Variants in SV2C observed in about 807,000 individuals in gnomAD.
The protein encoded by SV2C is solute carrier family 22 member B3.
Under a neutral mutation model 79.7 loss-of-function variants are expected in SV2C, and 49 were observed. The ratio of observed to expected loss-of-function variants is 0.61; its 90% confidence interval spans 0.49 to 0.78. The LOEUF (loss-of-function observed/expected upper bound fraction) is 0.78. Among genes scored for constraint, SV2C ranks in the 30% least tolerant of loss-of-function variants. SV2C has a pLI of 0.00. For synonymous variants in SV2C, 334 were observed against 333.2 expected, an observed-to-expected ratio of 1.00 and a Z score of -0.03; for missense variants, 833 against 912.9, an observed-to-expected ratio of 0.91 and a Z score of 1.13.
the SV2C span, among the ~76,000 whole-genome samples, chr5:75,984,583 CT>C: frequency 3.4e-4 from 37 of 110,442 alleles, no homozygotes; most frequent in African/African-American, 1.2e-3. Context: ...ATCTATCTAT[CT>C]ATCTATCTAT....
At chr5:76,077,470 CAT>C in the SV2C span, among the ~76,000 whole-genome samples, 1 of 152,108 alleles carries the variant, frequency 6.6e-6, no homozygotes, top group Admixed American at 6.5e-5. Flanking sequence ...TTTTTAAAAA[CAT>C]AAAATAAGAG....
the SV2C span, among the ~76,000 whole-genome samples, chr5:75,916,322 C>T: frequency 1.9e-5 from 2 of 105,300 alleles, no homozygotes; most frequent in African/African-American, 6.1e-5. Flanking sequence ...CGTCCTCTTC[C>T]TCCTCCTCTT....
the SV2C span, among the ~76,000 whole-genome samples, chr5:75,980,576 A>G: frequency 6.6e-6 from 1 of 152,166 alleles, no homozygotes; most frequent in African/African-American, 2.4e-5. Flanking sequence ...AAATCAATAC[A>G]TGTGATTCAA....
chr5:75,952,804 C>G, the SV2C span, among the ~76,000 whole-genome samples: 1 of 151,856 alleles, frequency 6.6e-6, no homozygotes, highest in Middle Eastern at 3.2e-3. Flanking sequence ...ATTACCCAGC[C>G]TCAGGTATTT....
chr5:76,244,257 T>C (rs1272600239), intron 4 of SV2C, among the ~76,000 whole-genome samples: 2 of 152,186 alleles, frequency 1.3e-5, no homozygotes, highest in South Asian at 4.1e-4. Flanking sequence ...TGGTGTGGAT[T>C]GGGGCTGGCC....
chr5:76,087,725 C>T (rs1353150796), intron 1 of SV2C, among the ~76,000 whole-genome samples: 1 of 152,192 alleles, frequency 6.6e-6, no homozygotes, highest in African/African-American at 2.4e-5. Flanking sequence ...GATAGGATAG[C>T]AAGAACCCAG....
At chr5:76,122,145 G>C (rs1393262443) in intron 1 of SV2C, among the ~76,000 whole-genome samples, 7 of 150,794 alleles carry the variant, frequency 4.6e-5, no homozygotes, top group Admixed American at 3.3e-4. Flanking sequence ...GTGAATGGGA[G>C]ATCACTCATA....
At chr5:75,921,099 G>T in the SV2C span, 1 of 792,976 alleles carries the variant, frequency 1.3e-6, no homozygotes, top group Admixed American at 2.1e-5. Context: ...TCCTGGGTGA[G>T]GGCATTGTGC....
chr5:76,202,209 C>T (rs1561262311), intron 3 of SV2C, among the ~76,000 whole-genome samples: 1 of 152,018 alleles, frequency 6.6e-6, no homozygotes, highest in Non-Finnish European at 1.5e-5. Context: ...TTGTTTAAGA[C>T]TTTTAAAATG....
chr5:76,326,230 A>G lies in SV2C; in HGVS notation c.*683A>G, dbSNP rs981186810. On this transcript the variant is annotated 3_prime_UTR_variant, in exon 13 of 13. Coordinates refer to ENST00000502798, the MANE Select transcript of SV2C (RefSeq NM_014979.4). ...AGAAAGCCCAATTAAACCTCTGAAAAGTGTGAGGAAAAAGAACTGTAACAG... is the reference window on the plus strand; with the variant it reads ...AGAAAGCCCAATTAAACCTCTGAAAGGTGTGAGGAAAAAGAACTGTAACAG... 1 of 152,196 alleles carries G rather than the reference A, an allele frequency of 6.6e-6. No homozygotes were observed. Among genetic ancestry groups the G allele is most frequent in the Non-Finnish European group, 1.5e-5 (1 of 68,026 alleles). 9.4% of individuals were successfully genotyped at this position (152,196 alleles called of 1,614,324 possible).
chr5:76,254,041 G>C (rs563341361), intron 4 of SV2C, among the ~76,000 whole-genome samples: 5 of 152,118 alleles, frequency 3.3e-5, no homozygotes, highest in African/African-American at 1.2e-4. Context: ...AGCACTTTCA[G>C]AGGCCAAGGC....
the SV2C span, among the ~76,000 whole-genome samples, chr5:76,061,103 G>A: frequency 6.6e-6 from 1 of 151,676 alleles, no homozygotes; most frequent in Non-Finnish European, 1.5e-5. Context: ...TAACATCGAA[G>A]ATCACTGATC....
chr5:76,283,929 C>T (rs967675100), intron 4 of SV2C, among the ~76,000 whole-genome samples: 1 of 152,094 alleles, frequency 6.6e-6, no homozygotes, highest in Non-Finnish European at 1.5e-5. Flanking sequence ...TCACTTGGCT[C>T]CCAGGTAGAC....
the SV2C span, among the ~76,000 whole-genome samples, chr5:75,861,042 C>G: frequency 6.6e-6 from 1 of 152,044 alleles, no homozygotes; most frequent in African/African-American, 2.4e-5. Flanking sequence ...AGCAGACAAC[C>G]TACAGAATGG....
chr5:76,214,058 A>T lies in SV2C; in HGVS notation c.913+4171A>T, dbSNP rs148929151. 1.5e-3 allele frequency among the ~76,000 whole-genome samples: 222 copies of T among 152,328 alleles called. 1 individual carries two copies. Among genetic ancestry groups the T allele is most frequent in the African/African-American group, 4.9e-3 (204 of 41,580 alleles). ...AAGGGAAGGATTTCTTTCTTTTTAAAGGCTGAACAAAATTCCAATATGTGC... is the reference window on the plus strand; with the variant it reads ...AAGGGAAGGATTTCTTTCTTTTTAATGGCTGAACAAAATTCCAATATGTGC... On this transcript the variant is annotated intron_variant, in intron 4 of 12. Coordinates refer to ENST00000502798, the MANE Select transcript of SV2C (RefSeq NM_014979.4).
chr5:75,989,274 T>C, the SV2C span, among the ~76,000 whole-genome samples: 26 of 151,938 alleles, frequency 1.7e-4, 1 homozygote, highest in East Asian at 5.1e-3. Context: ...CCGACATCCA[T>C]TAGCTATTCT....
chr5:75,934,290 T>C, the SV2C span, among the ~76,000 whole-genome samples: 8 of 128,350 alleles, frequency 6.2e-5, no homozygotes, highest in South Asian at 2.6e-4. Flanking sequence ...TTGTTTCTTT[T>C]TTTCTTTCTT....
the SV2C span, among the ~76,000 whole-genome samples, chr5:75,875,877 A>C: frequency 6.6e-6 from 1 of 152,210 alleles, no homozygotes; most frequent in Non-Finnish European, 1.5e-5. Context: ...ACAGTGAGAT[A>C]CCATTGCATA....
Position 76,150,903 on chromosome 5 carries a change from G to C in SV2C, c.580+18573G>C, listed in dbSNP as rs116633839. 2.4e-3 allele frequency among the ~76,000 whole-genome samples: 367 copies of C among 152,166 alleles called. 2 individuals are homozygous for C. The highest frequency in any genetic ancestry group is 8.7e-3 in the African/African-American group (361 of 41,522). ...GATCCTCCCACCTTGGCCTCACAAA[G>C]TGTTGGCATTACAGGCTTGAAACAT... is the stretch of plus-strand genomic sequence containing the variant. On this transcript the variant is annotated intron_variant, in intron 2 of 12. Coordinates refer to ENST00000502798, the MANE Select transcript of SV2C (RefSeq NM_014979.4).
Sources: allele counts gnomAD v4.1 joint callset (sites outside exome capture counted in the v4.1 genomes callset), GRCh38; gene constraint gnomAD v4.1.1; transcripts MANE v1.5; gene names NCBI Gene and HGNC (gene_info 2026-07-23, HGNC 2026-07-21).